Variants in NR6A1 observed in about 807,000 individuals in gnomAD.
NR6A1 encodes the protein nuclear receptor subfamily 6 group A member 1, also known as retinoic acid receptor-related testis-associated receptor.
NR6A1 carries 7 observed loss-of-function variants against 59.1 expected under a neutral mutation model. The ratio of observed to expected loss-of-function variants is 0.12; its 90% CI spans 0.07 to 0.22. The LOEUF (loss-of-function observed/expected upper bound fraction) is 0.22, where lower values mean the gene tolerates loss of function less well. Ranked by LOEUF, NR6A1 falls within the 10% of genes least tolerant of loss-of-function variation. The pLI, the probability that NR6A1 is intolerant of heterozygous loss-of-function variation, is 1.00. For synonymous variants in NR6A1, 243 were observed against 236.1 expected (o/e 1.03, Z -0.27); for missense variants, 468 against 611.6 (o/e 0.77, Z 2.48).
intron 1 of NR6A1, among the ~76,000 whole-genome samples, chr9:124,761,532 A>G (rs1360748729): frequency 1.3e-5 from 2 of 152,224 alleles, no homozygotes; most frequent in African/African-American, 4.8e-5. Flanking sequence ...CACACTAGGA[A>G]AGGATATTCT....
intron 2 of NR6A1, among the ~76,000 whole-genome samples, chr9:124,680,693 G>A (rs556371651): frequency 1.4e-4 from 22 of 152,274 alleles, no homozygotes; most frequent in Non-Finnish European, 2.6e-4. Context: ...AAGGGACTAC[G>A]AGAGTTTCCC....
At chr9:124,708,532 C>G (rs1163618062) in intron 2 of NR6A1, among the ~76,000 whole-genome samples, 1 of 152,152 alleles carries the variant, frequency 6.6e-6, no homozygotes, top group Admixed American at 6.5e-5. Context: ...AACTTAATCT[C>G]AAAATTTCAC....
At chr9:124,719,349 G>A (rs114735809) in intron 2 of NR6A1, among the ~76,000 whole-genome samples, 108 of 152,262 alleles carry the variant, frequency 7.1e-4, no homozygotes, top group Middle Eastern at 6.8e-3. Context: ...TGGGATGACA[G>A]GAGTGAGCTA....
At chr9:124,599,784 G>A (rs1254388233) in intron 2 of NR6A1, among the ~76,000 whole-genome samples, 3 of 152,166 alleles carry the variant, frequency 2.0e-5, no homozygotes, top group African/African-American at 7.2e-5. Context: ...GAAAGGAAGA[G>A]GCAGGAGTCA....
chr9:124,523,335 T>C (rs1832845999), intron 9 of NR6A1, among the ~76,000 whole-genome samples: 1 of 152,220 alleles, frequency 6.6e-6, no homozygotes, highest in African/African-American at 2.4e-5. Context: ...TACAGATTTC[T>C]TGATTGAAGG....
intron 2 of NR6A1, among the ~76,000 whole-genome samples, chr9:124,584,492 C>T (rs1340393661): frequency 1.3e-5 from 2 of 152,072 alleles, no homozygotes; most frequent in African/African-American, 2.4e-5. Flanking sequence ...AAAGCATGTG[C>T]TCACTTTGTG....
intron 2 of NR6A1, among the ~76,000 whole-genome samples, chr9:124,593,102 T>C (rs1010956989): frequency 4.6e-5 from 7 of 152,204 alleles, no homozygotes; most frequent in Admixed American, 4.6e-4. Context: ...AGCTCAGGTG[T>C]TTTTGCTTAA....
intron 2 of NR6A1, among the ~76,000 whole-genome samples, chr9:124,625,145 G>C (rs566218975): frequency 6.6e-6 from 1 of 152,184 alleles, no homozygotes; most frequent in East Asian, 1.9e-4. Context: ...TGAAGTTATA[G>C]GACCTGGGCA....
At chr9:124,715,348 C>T (rs965080675) in intron 2 of NR6A1, among the ~76,000 whole-genome samples, 1 of 151,832 alleles carries the variant, frequency 6.6e-6, no homozygotes, top group East Asian at 1.9e-4. Context: ...CATAGTGAGA[C>T]CCCGTCTCTA....
intron 1 of NR6A1, among the ~76,000 whole-genome samples, chr9:124,738,082 C>T (rs1195342953): frequency 7.9e-5 from 12 of 152,028 alleles, no homozygotes; most frequent in Non-Finnish European, 1.5e-4. Flanking sequence ...AGTAAAACCC[C>T]GTTTCTACTA....
At chr9:124,530,370 A>T (rs917941085) in intron 7 of NR6A1, among the ~76,000 whole-genome samples, 17 of 152,096 alleles carry the variant, frequency 1.1e-4, no homozygotes, top group African/African-American at 3.9e-4. Context: ...TTGATAAACA[A>T]AGTTGTTCTC....
chr9:124,657,250 T>C (rs1300979484), intron 2 of NR6A1, among the ~76,000 whole-genome samples: 3 of 152,180 alleles, frequency 2.0e-5, no homozygotes, highest in African/African-American at 7.2e-5. Context: ...TGCTGCATAA[T>C]ATAGTCAACA....
intron 2 of NR6A1, among the ~76,000 whole-genome samples, chr9:124,561,036 G>A (rs935882341): frequency 1.5e-4 from 23 of 152,072 alleles, no homozygotes; most frequent in East Asian, 3.8e-4. Context: ...GCTGAGCACC[G>A]TAGTCCCAGC....
Position 124,543,794 on chromosome 9 carries a change from G to C in NR6A1, c.441+8C>G, listed in dbSNP as rs765291233. 1.5e-5 allele frequency: 24 copies of C among 1,612,136 alleles called. No homozygotes were observed. Among genetic ancestry groups the C allele is most frequent in the Admixed American group, 1.3e-4 (8 of 59,738 alleles). ...GACGGACCACAGAGACTGAGGTCTA[G>C]AACTCACCTGGACTGGCCCAATGCT... On this transcript the variant is annotated splice_region_variant and intron_variant, in intron 4 of 9. Transcript: ENST00000487099.
chr9:124,532,156 TTC>T (rs1420495835), intron 7 of NR6A1, among the ~76,000 whole-genome samples: 1 of 152,160 alleles, frequency 6.6e-6, no homozygotes, highest in African/African-American at 2.4e-5. Context: ...CTCCCCTCAT[TTC>T]TCTGTCTTAG....
intron 2 of NR6A1, among the ~76,000 whole-genome samples, chr9:124,702,352 G>GA (rs1168362658): frequency 1.3e-5 from 2 of 151,976 alleles, no homozygotes; most frequent in East Asian, 3.9e-4. Context: ...ATCATTTCTG[G>GA]AAAAAAACTA....
At chr9:124,705,594 T>C (rs1839102588) in intron 2 of NR6A1, among the ~76,000 whole-genome samples, 1 of 152,192 alleles carries the variant, frequency 6.6e-6, no homozygotes, top group Non-Finnish European at 1.5e-5. Flanking sequence ...CATAGAGCTG[T>C]GTTTTGCCTT....
In NR6A1 at chr9:124,536,138, G is replaced by A; in HGVS notation, c.825-6C>T. On this transcript the variant is annotated splice_polypyrimidine_tract_variant and splice_region_variant and intron_variant, in intron 6 of 9. Transcript: ENST00000487099. ...CTGCCTGTGTCACAGCGTATCTGAGGGGCAGGGACAGGGGAAAGTCACTTC... is the reference window on the plus strand; with the variant it reads ...CTGCCTGTGTCACAGCGTATCTGAGAGGCAGGGACAGGGGAAAGTCACTTC... The A allele has an allele frequency of 6.2e-7, 1 of 1,609,866 alleles. No individual in the cohort carries two copies. The highest frequency in any genetic ancestry group is 1.3e-5 in the African/African-American group (1 of 75,002).
intron 2 of NR6A1, among the ~76,000 whole-genome samples, chr9:124,603,813 C>T (rs1347011454): frequency 6.6e-6 from 1 of 152,164 alleles, no homozygotes; most frequent in African/African-American, 2.4e-5. Flanking sequence ...CACCTTAGGC[C>T]AGCCATTCCC....
Sources: gnomAD v4.1 joint callset for allele counts (sites outside exome capture counted in the v4.1 genomes callset) on GRCh38, gnomAD v4.1.1 for gene constraint, MANE v1.5 for transcripts, NCBI Gene and HGNC (gene_info 2026-07-23, HGNC 2026-07-21) for gene names.